Variants in KLC1 observed in about 807,000 individuals in gnomAD.
KLC1 encodes kinesin 2 60/70kDa.
A neutral mutation model predicts 84.2 loss-of-function variants in KLC1; 30 were observed. That is an observed-to-expected ratio of 0.36 (90% CI 0.27 to 0.48). KLC1 has a LOEUF of 0.48. Ranked by LOEUF, KLC1 falls within the 20% of genes least tolerant of loss-of-function variation. The pLI, the probability that KLC1 is intolerant of heterozygous loss-of-function variation, is 0.99. For missense variants in KLC1, 499 were observed against 805.4 expected (o/e 0.62, Z 4.60); for synonymous variants, 289 against 293.3 (o/e 0.99, Z 0.15).
chr14:103,681,693 G>C (rs1181278978), intron 13 of KLC1, among the ~76,000 whole-genome samples: 3 of 152,042 alleles, frequency 2.0e-5, no homozygotes, highest in African/African-American at 7.2e-5. Flanking sequence ...TCCTGACCTC[G>C]TGATCTGCCC....
intron 9 of KLC1, among the ~76,000 whole-genome samples, chr14:103,673,765 T>TA (rs1421239033): frequency 1.3e-5 from 2 of 151,890 alleles, no homozygotes. Flanking sequence ...CTACTAAAAA[T>TA]ACAAAAACTT....
In KLC1 at chr14:103,699,527, C is replaced by A. The variant is rs756095186; in HGVS notation, c.1849-1128C>A. 3.1e-6 allele frequency: 5 copies of A among 1,613,356 alleles called. No individual in the cohort carries two copies. In the Admixed American group the frequency reaches 8.3e-5, roughly 27 times the overall value. Reference sequence around the variant, plus strand: ...GATGACCACCAGGCGAGCCATGCCCCGAGACAGCAGTACGGGGACCTTCTT... The same window carrying A: ...GATGACCACCAGGCGAGCCATGCCCAGAGACAGCAGTACGGGGACCTTCTT... On this transcript the variant is annotated intron_variant, in intron 15 of 16. Coordinates refer to ENST00000334553, the MANE Select transcript of KLC1 (RefSeq NM_001394837.1).
At chr14:103,661,536 C>G (rs1197718504) in intron 3 of KLC1, among the ~76,000 whole-genome samples, 1 of 152,192 alleles carries the variant, frequency 6.6e-6, no homozygotes, top group African/African-American at 2.4e-5. Context: ...TGCCTCATGA[C>G]AAAGCTAATT....
Position 103,630,664 on chromosome 14 carries a change from T to G in KLC1, c.-2+1170T>G, listed in dbSNP as rs1467936629. On this transcript the variant is annotated intron_variant, in intron 1 of 16. Coordinates refer to ENST00000334553, the MANE Select transcript of KLC1 (RefSeq NM_001394837.1). The stretch of plus-strand genomic sequence containing the variant: ...GTTATATTACAGACATGGCCTTGCT[T>G]CTTTCAGGGATTGTCAGCAAGCCTG... Among the ~76,000 whole-genome samples the G allele has an allele frequency of 2.0e-5, 3 of 150,686 alleles. No individual in the cohort carries two copies. The East Asian group carries it at 5.8e-4, about 29-fold the overall frequency.
At chr14:103,629,998 C>T (rs1424565590) in intron 1 of KLC1, among the ~76,000 whole-genome samples, 2 of 152,210 alleles carry the variant, frequency 1.3e-5, no homozygotes, top group Non-Finnish European at 2.9e-5. Context: ...ACCCCCGCCT[C>T]TCCCGGCACC....
At chr14:103,683,232 C>T (rs861549) in intron 13 of KLC1, 142,089 of 152,292 alleles carry the variant, frequency 0.93, 66,537 homozygotes, top group East Asian at 0.98. Context: ...AGGGAGCGTC[C>T]GGATCGGAGT....
chr14:103,678,291 G>A (rs532013559), intron 12 of KLC1, among the ~76,000 whole-genome samples: 1 of 151,836 alleles, frequency 6.6e-6, no homozygotes, highest in African/African-American at 2.4e-5. Flanking sequence ...AAATAAAATA[G>A]CATGAATATG....
chr14:103,700,855 C>T, intron 16 of KLC1, 128 bp downstream of exon 16: 1 of 770,508 alleles, frequency 1.3e-6, no homozygotes, highest in Non-Finnish European at 2.0e-6. Flanking sequence ...GGCTGGGCCT[C>T]CAAGAGGGGC....
Position 103,674,885 on chromosome 14 carries a change from ACAG to A in KLC1, c.1262-666_1262-664del, listed in dbSNP as rs1438519521. 1.5e-4 allele frequency among the ~76,000 whole-genome samples: 23 copies of A among 152,230 alleles called. No individual in the cohort carries two copies. In the East Asian group the frequency reaches 1.5e-3, roughly 10 times the overall value. On this transcript the variant is annotated intron_variant, in intron 9 of 16. Transcript: ENST00000334553. ...CCCTAGCATTTGCTGGGGTGTCTTG[ACAG>A]TTGCTCACCTGTCTCAGGACATTGA... is the stretch of plus-strand genomic sequence containing the variant.
chr14:103,651,748 C>T (rs547918802), intron 1 of KLC1, among the ~76,000 whole-genome samples: 269 of 152,360 alleles, frequency 1.8e-3, no homozygotes, highest in Middle Eastern at 6.8e-3. Flanking sequence ...CGTCACACCT[C>T]TGCCTCAGCT....
intron 9 of KLC1, among the ~76,000 whole-genome samples, 180 bp downstream of exon 9, chr14:103,673,611 A>G (rs1002748526): frequency 6.6e-6 from 1 of 152,132 alleles, no homozygotes; most frequent in Non-Finnish European, 1.5e-5. Context: ...CGGGTCAAAC[A>G]TTACCCCATT....
chr14:103,657,087 C>G (rs2078892336), intron 2 of KLC1, among the ~76,000 whole-genome samples: 1 of 152,138 alleles, frequency 6.6e-6, no homozygotes, highest in Non-Finnish European at 1.5e-5. Context: ...CTTGGAACAT[C>G]AAGGAAGATT....
intron 1 of KLC1, among the ~76,000 whole-genome samples, chr14:103,646,346 C>T (rs569903080): frequency 1.3e-5 from 2 of 152,054 alleles, no homozygotes; most frequent in Admixed American, 1.3e-4. Context: ...CTGTCACCTA[C>T]GCTGGAGTGC....
chr14:103,696,972 G>C (rs1382359791), intron 15 of KLC1: 1 of 985,416 alleles, frequency 1.0e-6, no homozygotes, highest in Non-Finnish European at 1.2e-6. Context: ...CTTCCCTCCA[G>C]GGGCAGGAAC....
intron 1 of KLC1, among the ~76,000 whole-genome samples, chr14:103,653,018 T>C (rs761289167): frequency 7.9e-5 from 12 of 152,254 alleles, no homozygotes; most frequent in Non-Finnish European, 1.6e-4. Context: ...TATCTGCTGA[T>C]TCAGCTTTTC....
chr14:103,700,160 G>A (rs952976697), intron 15 of KLC1: 2 of 202,688 alleles, frequency 9.9e-6, no homozygotes, highest in African/African-American at 2.3e-5. Context: ...GACCACCTGG[G>A]GGTCAGGATG....
chr14:103,701,232 A>ACTGC lies in KLC1; in HGVS notation c.*35_*38dup, dbSNP rs1391009578. 1.9e-6 allele frequency: 3 copies of ACTGC among 1,549,220 alleles called. No homozygotes were observed. In the African/African-American group the frequency reaches 4.1e-5, roughly 21 times the overall value. On this transcript the variant is annotated 3_prime_UTR_variant, in exon 17 of 17. Coordinates refer to ENST00000334553, the MANE Select transcript of KLC1 (RefSeq NM_001394837.1). ...CGACCTGGCCCCGCTCCAGGATGGG[A>ACTGC]CTGCCGAGTGTGGCCCGGAGCTGGC...
chr14:103,647,568 G>A (rs762754229), intron 1 of KLC1, among the ~76,000 whole-genome samples: 8 of 151,894 alleles, frequency 5.3e-5, no homozygotes, highest in Non-Finnish European at 8.8e-5. Context: ...TTTCCAAAAG[G>A]CAGGTAAGCC....
At chr14:103,642,938 T>G (rs957406499) in intron 1 of KLC1, among the ~76,000 whole-genome samples, 2 of 151,722 alleles carry the variant, frequency 1.3e-5, no homozygotes, top group Non-Finnish European at 2.9e-5. Flanking sequence ...CCGGCTAATT[T>G]TTTTGTATTT....
Sources: allele counts gnomAD v4.1 joint callset (sites outside exome capture counted in the v4.1 genomes callset), GRCh38; gene constraint gnomAD v4.1.1; transcripts MANE v1.5; gene names NCBI Gene and HGNC (gene_info 2026-07-23, HGNC 2026-07-21).